The following MME variants were observed in gnomAD, a reference collection of about 807,000 sequenced individuals.
The protein encoded by MME is membrane metalloendopeptidase.
In MME, 98 loss-of-function variants were observed where a neutral mutation model predicts 113.2. The ratio of observed to expected loss-of-function variants is 0.87; its 90% CI spans 0.74 to 1.02. MME has a LOEUF of 1.02. MME is among the 50% of genes least tolerant of loss of function. The probability of loss-of-function intolerance (pLI) is 0.00; values close to 1 mark genes in which losing one functional copy is unlikely to be tolerated. For synonymous variants in MME, 292 were observed against 300.6 expected, an observed-to-expected ratio of 0.97 and a Z score of 0.30; for missense variants, 836 against 896.0, an observed-to-expected ratio of 0.93 and a Z score of 0.86.
intron 4 of MME, among the ~76,000 whole-genome samples, chr3:155,115,541 G>A (rs913018062): frequency 7.9e-5 from 12 of 152,130 alleles, no homozygotes; most frequent in Non-Finnish European, 1.6e-4. Flanking sequence ...CAATTCTCCT[G>A]CCTCAGCCTC....
chr3:155,072,498 A>G (rs1191174328), intron 1 of MME, among the ~76,000 whole-genome samples: 2 of 151,468 alleles, frequency 1.3e-5, no homozygotes, highest in Non-Finnish European at 2.9e-5. Context: ...ATTCAACATT[A>G]TTTTTCTCAT....
At chr3:155,144,564 T>C (rs533979516) in intron 14 of MME, 107 bp downstream of exon 14, 3 of 715,556 alleles carry the variant, frequency 4.2e-6, no homozygotes, top group East Asian at 5.4e-5. Context: ...CATAAAAACT[T>C]GTAAGCTCCT....
At chr3:155,113,939 T>G (rs1426428006) in intron 3 of MME, among the ~76,000 whole-genome samples, 2 of 152,050 alleles carry the variant, frequency 1.3e-5, no homozygotes, top group Admixed American at 6.6e-5. Flanking sequence ...CAAGCAAACA[T>G]GCCAAAAAAG....
In MME at chr3:155,084,232, A is replaced by G. The variant is rs1168474834; in HGVS notation, c.65A>G (p.Gln22Arg). 6.2e-7 allele frequency: 1 copy of G among 1,614,058 alleles called. No homozygotes were observed. The highest frequency in any genetic ancestry group is 1.3e-5 in the African/African-American group (1 of 74,932). ...DINTPKPKKK[Q>R]RWTPLEISLS... ...AACACTCCAAAGCCAAAGAAGAAAC[A>G]GCGATGGACTCCACTGGAGATCAGC... Residue 22 changes from glutamine to arginine, a missense_variant, in exon 2 of 23, where the codon CAG (glutamine) becomes CGG (arginine). Gln to Arg is a conservative substitution (Grantham distance 43, BLOSUM62 1). Coordinates refer to ENST00000360490, the MANE Select transcript of MME (RefSeq NM_007289.4).
At chr3:155,081,431 G>A (rs145847095) in intron 1 of MME, 2 of 152,232 alleles carry the variant, frequency 1.3e-5, no homozygotes, top group Non-Finnish European at 2.9e-5. Flanking sequence ...TAATATTGTC[G>A]AGCTGAAGTT....
intron 9 of MME, among the ~76,000 whole-genome samples, chr3:155,138,836 A>G (rs112705733): frequency 2.0e-5 from 3 of 152,230 alleles, no homozygotes; most frequent in African/African-American, 7.2e-5. Flanking sequence ...TTCCCTGATG[A>G]TTCTTTGATA....
intron 1 of MME, chr3:155,081,411 A>G (rs536783363): frequency 2.6e-5 from 4 of 152,332 alleles, no homozygotes; most frequent in African/African-American, 9.6e-5. Flanking sequence ...ATAGTAATTT[A>G]TTCTGTTGGT....
At chr3:155,136,779 A>G (rs765207520) in intron 8 of MME, among the ~76,000 whole-genome samples, 16 of 152,198 alleles carry the variant, frequency 1.1e-4, no homozygotes, top group Non-Finnish European at 2.1e-4. Context: ...TTGTTCCATA[A>G]GGATGTAAAA....
At chr3:155,063,683 T>TTATATTA (rs1453373186) in intron 1 of MME, among the ~76,000 whole-genome samples, 3 of 128,654 alleles carry the variant, frequency 2.3e-5, no homozygotes, top group African/African-American at 8.6e-5. Flanking sequence ...TTATATTATA[T>TTATATTA]TATATTATAT....
rs199926724 is a variant in MME at position 155,085,050 on chromosome 3, T to C, written c.161-9T>C. Reference sequence around the variant, plus strand: ...GCCAATATTTATGTATATTCTCTCCTTTTTCTAGATGGTATTTGCAAGTCA... The same window carrying C: ...GCCAATATTTATGTATATTCTCTCCCTTTTCTAGATGGTATTTGCAAGTCA... On this transcript the variant is annotated splice_polypyrimidine_tract_variant and intron_variant, in intron 2 of 22. Transcript: ENST00000360490. The C allele has an allele frequency of 1.1e-4, 180 of 1,579,832 alleles. 1 individual carries two copies. The South Asian group carries it at 1.8e-3, about 16-fold the overall frequency.
chr3:155,066,099 G>C (rs1714372983), intron 1 of MME, among the ~76,000 whole-genome samples: 1 of 152,192 alleles, frequency 6.6e-6, no homozygotes, highest in African/African-American at 2.4e-5. Context: ...ATATAGAAAT[G>C]AAGCTAAGGT....
intron 16 of MME, among the ~76,000 whole-genome samples, chr3:155,156,021 C>G (rs1395713491): frequency 4.6e-5 from 7 of 152,142 alleles, no homozygotes; most frequent in Non-Finnish European, 7.3e-5. Flanking sequence ...AGAGTCCTAG[C>G]CTCAGACAGA....
chr3:155,033,727 C>A lies in MME; in HGVS notation c.-11+9403C>A, dbSNP rs115752181. Among the ~76,000 whole-genome samples, 1,340 of 151,956 alleles carry A rather than the reference C, an allele frequency of 8.8e-3. 24 individuals are homozygous for A. Among genetic ancestry groups the A allele is most frequent in the African/African-American group, 0.031 (1,276 of 41,440 alleles). ...TAAACAAATAAGAAAATGCATCCAC[C>A]AAGCAATTGAGGGCATGTCAAAAGA... On this transcript the variant is annotated intron_variant, in intron 1 of 22. Coordinates refer to the MME transcript ENST00000492661.
intron 9 of MME, among the ~76,000 whole-genome samples, chr3:155,139,935 G>C (rs1015228679): frequency 2.2e-4 from 33 of 152,156 alleles, no homozygotes; most frequent in African/African-American, 8.0e-4. Context: ...TGGCTTGGCA[G>C]TTGTCAAAAT....
At chr3:155,063,228 AT>A (rs1461773933) in intron 1 of MME, among the ~76,000 whole-genome samples, 72 of 111,822 alleles carry the variant, frequency 6.4e-4, no homozygotes, top group Non-Finnish European at 1.0e-3. Context: ...ACATATGTAT[AT>A]TATTATATAT....
chr3:155,182,871 G>T lies in MME; in HGVS notation c.*2412G>T, dbSNP rs1444522756. On this transcript the variant is annotated 3_prime_UTR_variant, in exon 23 of 23. Transcript: ENST00000360490. ...TATCCCTCACACATCCAGACATCAT[G>T]AATTTTACATGGTACTCTTGTTGAG... 1 of 152,244 alleles carries T rather than the reference G, an allele frequency of 6.6e-6. No individual in the cohort carries two copies. The highest frequency in any genetic ancestry group is 2.1e-4 in the South Asian group (1 of 4,838). 9.4% of individuals were successfully genotyped at this position (152,244 alleles called of 1,614,324 possible).
chr3:155,141,970 T>C, intron 10 of MME, 21 bp from the exon 11 acceptor site: 1 of 1,613,358 alleles, frequency 6.2e-7, no homozygotes, highest in Non-Finnish European at 8.5e-7. Flanking sequence ...TTCTGAATGT[T>C]TCATGCCTGC....
chr3:155,118,762 T>A lies in MME; in HGVS notation c.671T>A (p.Leu224His). The A allele has an allele frequency of 6.2e-7, 1 of 1,601,254 alleles. No individual in the cohort carries two copies. Among genetic ancestry groups the A allele is most frequent in the Non-Finnish European group, 8.5e-7 (1 of 1,169,900 alleles). ...NHVIHIDQPR[L>H]GLPSRDYYEC... The stretch of plus-strand genomic sequence containing the variant: ...TTTTTATAGATTGACCAACCTCGAC[T>A]TGGCCTCCCTTCTAGAGATTACTAT... The change falls in exon 8 of 23, where the codon CTT (leucine) becomes CAT (histidine). Residue 224 changes from leucine (L) to histidine (H), a missense_variant. Leu to His is a moderately conservative substitution (Grantham distance 99). Transcript: ENST00000360490.
intron 3 of MME, among the ~76,000 whole-genome samples, chr3:155,098,392 A>T (rs1716919495): frequency 6.6e-6 from 1 of 152,024 alleles, no homozygotes; most frequent in Non-Finnish European, 1.5e-5. Flanking sequence ...CATCTCTACT[A>T]AAAATACAAA....
Sources: gnomAD v4.1 joint callset for allele counts (sites outside exome capture counted in the v4.1 genomes callset) on GRCh38, gnomAD v4.1.1 for gene constraint, MANE v1.5 for transcripts, NCBI Gene and HGNC (gene_info 2026-07-23, HGNC 2026-07-21) for gene names.